GSTT4: variants seen among roughly 807,000 people sequenced by gnomAD.
GSTT4 encodes the protein glutathione S-transferase theta 4, also known as glutathione S-transferase theta-4.
chr22:23,993,373 G>A, the GSTT4 span, among the ~76,000 whole-genome samples: 1 of 152,182 alleles, frequency 6.6e-6, no homozygotes, highest in African/African-American at 2.4e-5. Context: ...TCAAACTGTG[G>A]TCATTAGATC....
intron 1 of GSTT4, 88 bp downstream of exon 1, chr22:24,005,157 T>G (rs1193919104): frequency 1.0e-5 from 1 of 97,574 alleles, no homozygotes; most frequent in Non-Finnish European, 2.3e-5. Flanking sequence ...CGAGACTCCA[T>G]CAAAAAACAA....
At chr22:23,992,275 C>A in the GSTT4 span, among the ~76,000 whole-genome samples, 2 of 143,164 alleles carry the variant, frequency 1.4e-5, no homozygotes, top group Non-Finnish European at 3.0e-5. Flanking sequence ...TGGCTGAGGC[C>A]CTGTGAGGCC....
chr22:24,004,193 G>C (rs1468917385), intron 1 of GSTT4: 2 of 153,148 alleles, frequency 1.3e-5, no homozygotes, highest in African/African-American at 2.4e-5. Context: ...GAAGCCCTGA[G>C]GGCCTGGGTC....
chr22:24,000,589 C>T (rs1313792223), intron 3 of GSTT4, among the ~76,000 whole-genome samples: 1 of 137,210 alleles, frequency 7.3e-6, no homozygotes, highest in South Asian at 2.1e-4. Flanking sequence ...GATGGAGTCT[C>T]ACTCTGTCGC....
chr22:23,994,359 G>A (rs2034096257), downstream of GSTT4, among the ~76,000 whole-genome samples: 1 of 151,982 alleles, frequency 6.6e-6, no homozygotes, highest in Non-Finnish European at 1.5e-5. Context: ...TCTAATTCTA[G>A]ATCATTTTCA....
chr22:23,991,868 A>C, the GSTT4 span, among the ~76,000 whole-genome samples: 43 of 128,914 alleles, frequency 3.3e-4, no homozygotes, highest in South Asian at 8.9e-4. Flanking sequence ...TACTGGCTAA[A>C]ACGGTGAAAC....
the GSTT4 span, among the ~76,000 whole-genome samples, chr22:23,990,925 C>G: frequency 2.0e-5 from 2 of 101,594 alleles, 1 homozygote. Context: ...AATCCCAACA[C>G]TTTGGGAGGC....
At chr22:23,990,438 C>T in the GSTT4 span, among the ~76,000 whole-genome samples, 207 of 63,760 alleles carry the variant, frequency 3.2e-3, 12 homozygotes, top group African/African-American at 0.011. Flanking sequence ...GGCAAAATCA[C>T]GCGTCTACAC....
chr22:23,995,225 C>T (rs1442224296), downstream of GSTT4, among the ~76,000 whole-genome samples: 3 of 151,894 alleles, frequency 2.0e-5, no homozygotes, highest in Non-Finnish European at 4.4e-5. Context: ...CTCTGCTTCC[C>T]GGATTCAAGC....
chr22:23,991,793 G>A, the GSTT4 span, among the ~76,000 whole-genome samples: 2 of 140,580 alleles, frequency 1.4e-5, no homozygotes, highest in Non-Finnish European at 3.1e-5. Context: ...GGTGGCTCAC[G>A]CCTGTAATCC....
At chr22:24,003,370 T>A (rs963736870) in intron 2 of GSTT4, among the ~76,000 whole-genome samples, 3 of 152,208 alleles carry the variant, frequency 2.0e-5, no homozygotes, top group African/African-American at 7.2e-5. Flanking sequence ...ACCACCATGC[T>A]GGCTAATTTT....
the GSTT4 span, among the ~76,000 whole-genome samples, chr22:23,992,484 T>G: frequency 6.7e-6 from 1 of 150,366 alleles, no homozygotes; most frequent in Admixed American, 6.8e-5. Context: ...CCAGCCACAC[T>G]CAAGGGGAGG....
At chr22:24,003,659 T>G (rs554028903) in intron 2 of GSTT4, 101 bp downstream of exon 2, 1 of 154,878 alleles carries the variant, frequency 6.5e-6, no homozygotes, top group African/African-American at 2.4e-5. Context: ...TCTCCTTTAG[T>G]GCACGTGTGA....
At position 23,998,541 on chromosome 22, in the gene GSTT4, G is replaced by A. The variant is rs2034152517; in HGVS notation, c.*1C>T. ...CCCTGCGGGACAGGCTGCGCCTAGG[G>A]TCACCTGCTCTTCTTCAGCAACTCA... On this transcript the variant is annotated 3_prime_UTR_variant, in exon 5 of 5. Coordinates refer to ENST00000621179, the MANE Select transcript of GSTT4 (RefSeq NM_001358664.2). The A allele has an allele frequency of 7.1e-6, 1 of 141,020 alleles. No homozygotes were observed. Among genetic ancestry groups the A allele is most frequent in the African/African-American group, 2.7e-5 (1 of 37,700 alleles). The allele number at this position is 141,020 out of a possible 1,614,324, so 8.7% of individuals were successfully genotyped here. A position where few individuals can be genotyped will look rare whatever the true frequency, so the allele number is the denominator to read the frequency against.
intron 2 of GSTT4, among the ~76,000 whole-genome samples, chr22:24,003,028 GC>G (rs1302769627): frequency 1.3e-5 from 2 of 152,236 alleles, no homozygotes; most frequent in Non-Finnish European, 2.9e-5. Flanking sequence ...GAGTGCAGTG[GC>G]GCAATCAGAG....
intron 2 of GSTT4, among the ~76,000 whole-genome samples, chr22:24,002,151 C>G (rs1004064366): frequency 4.6e-5 from 7 of 152,350 alleles, no homozygotes; most frequent in African/African-American, 1.7e-4. Context: ...TAGGGTAGCC[C>G]CTGGAGGTGC....
the GSTT4 span, among the ~76,000 whole-genome samples, chr22:23,992,744 C>T: frequency 2.7e-5 from 4 of 150,926 alleles, no homozygotes; most frequent in African/African-American, 9.8e-5. Context: ...CTCCCAGCGC[C>T]TACCCCAGGG....
At chr22:23,999,829 C>T (rs1394215122) in intron 4 of GSTT4, among the ~76,000 whole-genome samples, 3 of 151,726 alleles carry the variant, frequency 2.0e-5, no homozygotes, top group Admixed American at 6.6e-5. Context: ...GCTCACCCTC[C>T]GGGTCCTCCC....
intron 2 of GSTT4, among the ~76,000 whole-genome samples, chr22:24,003,158 T>TTA (rs1303176599): frequency 9.4e-6 from 1 of 105,844 alleles, no homozygotes; most frequent in Non-Finnish European, 2.2e-5. Context: ...TTGTTTGTTT[T>TTA]AAGAACTCTT....
Sources: gnomAD v4.1 joint callset for allele counts (sites outside exome capture counted in the v4.1 genomes callset) on GRCh38, gnomAD v4.1.1 for gene constraint, MANE v1.5 for transcripts, NCBI Gene and HGNC (gene_info 2026-07-23, HGNC 2026-07-21) for gene names.